The following APTX variants were observed in gnomAD, a reference collection of about 807,000 sequenced individuals.
APTX encodes forkhead-associated domain histidine triad-like protein.
A neutral mutation model predicts 42.3 loss-of-function variants in APTX; 33 were observed. The ratio of observed to expected loss-of-function variants is 0.78; its 90% CI spans 0.59 to 1.04. The LOEUF (loss-of-function observed/expected upper bound fraction) is 1.04. APTX is among the 50% of genes least tolerant of loss of function. The pLI, the probability that APTX is intolerant of heterozygous loss-of-function variation, is 0.00. For missense variants in APTX, 421 were observed against 415.1 expected, an observed-to-expected ratio of 1.01 and a Z score of -0.12; for synonymous variants, 130 against 146.7, an observed-to-expected ratio of 0.89 and a Z score of 0.82.
exon 1 of APTX, chr9:33,025,089 C>G (rs957322768): frequency 6.6e-6 from 1 of 152,434 alleles, no homozygotes; most frequent in African/African-American, 2.4e-5. Flanking sequence ...ATTCCACGAG[C>G]GCCGGGAAGC....
intron 1 of APTX, among the ~76,000 whole-genome samples, chr9:33,016,890 A>G (rs2119277046): frequency 6.6e-6 from 1 of 152,362 alleles, no homozygotes; most frequent in East Asian, 1.9e-4. Context: ...CTATATGCCC[A>G]GTACCTGGCA....
intron 6 of APTX, among the ~76,000 whole-genome samples, 185 bp from the exon 7 acceptor site, chr9:32,974,746 T>TGC (rs1723532754): frequency 6.6e-6 from 1 of 152,218 alleles, no homozygotes; most frequent in Non-Finnish European, 1.5e-5. Context: ...GAATATTTAA[T>TGC]GCTCAATAAG....
At chr9:32,993,615 T>C (rs1323191509) in intron 1 of APTX, among the ~76,000 whole-genome samples, 2 of 152,182 alleles carry the variant, frequency 1.3e-5, no homozygotes, top group Admixed American at 6.5e-5. Flanking sequence ...CTTCCTTCTA[T>C]GGCTCTTCTT....
chr9:32,997,649 A>C (rs1168974314), intron 1 of APTX, among the ~76,000 whole-genome samples: 16 of 152,220 alleles, frequency 1.1e-4, no homozygotes, highest in Non-Finnish European at 4.4e-5. Context: ...ACAAAGAAGA[A>C]ATAGCACAGT....
At chr9:32,986,195 T>C (rs1455228005) in intron 4 of APTX, 165 bp from the exon 5 acceptor site, 1 of 770,566 alleles carries the variant, frequency 1.3e-6, no homozygotes. Flanking sequence ...TTGACTCTGC[T>C]TCACTCCATT....
intron 1 of APTX, among the ~76,000 whole-genome samples, chr9:33,007,413 T>C (rs10124051): frequency 0.12 from 18,828 of 152,218 alleles, 1,308 homozygotes; most frequent in East Asian, 0.28. Flanking sequence ...AATGGACTAG[T>C]GGGGAAGGCA....
In APTX at chr9:32,974,519, A is replaced by C; in HGVS notation, c.813T>G (p.Pro271=). Residue 271 remains proline, a synonymous_variant, in exon 7 of 8, where the codon CCT becomes CCG. Coordinates refer to ENST00000379817, the MANE Select transcript of APTX (RefSeq NM_001195248.2). ...LHVISQDFDS[P]CLKNKKHWNS... ...TCCAATGTTTTTTGTTTTTAAGGCA[A>C]GGAGAATCAAAATCCTGGCTGATCA... 1 of 1,612,518 alleles carries C rather than the reference A, an allele frequency of 6.2e-7. No individual in the cohort carries two copies.
chr9:32,975,803 A>C (rs1829243084), intron 6 of APTX, among the ~76,000 whole-genome samples: 1 of 152,146 alleles, frequency 6.6e-6, no homozygotes, highest in African/African-American at 2.4e-5. Flanking sequence ...TAGTGGGTCA[A>C]CTCTTCATGT....
In APTX at chr9:32,989,909, CA is replaced by C; in HGVS notation, c.-4-15del. ...CGCATCATCACTCTAAGGGACAAAACAAAAGAATCACTAGAAAAACAGATCC... is the reference window on the plus strand; with the variant it reads ...CGCATCATCACTCTAAGGGACAAAACAAAGAATCACTAGAAAAACAGATCC... On this transcript the variant is annotated splice_polypyrimidine_tract_variant and intron_variant, in intron 1 of 7. Coordinates refer to ENST00000379817, the MANE Select transcript of APTX (RefSeq NM_001195248.2). 1 of 1,612,130 alleles carries C rather than the reference CA, an allele frequency of 6.2e-7. No homozygotes were observed. Among genetic ancestry groups the C allele is most frequent in the Non-Finnish European group, 8.5e-7 (1 of 1,179,056 alleles).
chr9:33,014,744 C>T (rs1334668197), intron 1 of APTX, among the ~76,000 whole-genome samples: 1 of 152,246 alleles, frequency 6.6e-6, no homozygotes, highest in Non-Finnish European at 1.5e-5. Context: ...AGTCCTCCAC[C>T]CTAGAAGTAT....
chr9:33,022,243 T>A (rs1360798422), intron 1 of APTX, among the ~76,000 whole-genome samples: 1 of 152,170 alleles, frequency 6.6e-6, no homozygotes, highest in East Asian at 1.9e-4. Flanking sequence ...ATTATTAAAA[T>A]AGTGGAATTA....
intron 4 of APTX, among the ~76,000 whole-genome samples, chr9:32,987,308 T>C (rs1055248796): frequency 2.6e-5 from 4 of 152,222 alleles, no homozygotes; most frequent in Non-Finnish European, 5.9e-5. Context: ...AGTTGTTCAA[T>C]GTTAAGTACA....
rs59637633 is a variant in APTX, at chr9:33,009,655, C to T, written c.-5+15368G>A. Among the ~76,000 whole-genome samples the T allele has an allele frequency of 7.4e-3, 1,121 of 151,992 alleles. 22 individuals are homozygous for T. The highest frequency in any genetic ancestry group is 0.025 in the African/African-American group (1,050 of 41,434). On this transcript the variant is annotated intron_variant, in intron 1 of 6. Transcript: ENST00000436040. ...TTAGCCGGGCACGGTGGTATGTGCCCGTGATCCCAGCTACTTGAGAGACTG... is the reference window on the plus strand; with the variant it reads ...TTAGCCGGGCACGGTGGTATGTGCCTGTGATCCCAGCTACTTGAGAGACTG...
chr9:32,976,628 C>T (rs1444886841), intron 6 of APTX, among the ~76,000 whole-genome samples: 2 of 152,176 alleles, frequency 1.3e-5, no homozygotes, highest in Non-Finnish European at 2.9e-5. Context: ...ATTATACTAA[C>T]ATTTTCTTTC....
chr9:32,974,086 C>T (rs1828739219), intron 7 of APTX, among the ~76,000 whole-genome samples: 2 of 152,068 alleles, frequency 1.3e-5, no homozygotes, highest in Non-Finnish European at 1.5e-5. Context: ...GCTAATTCAC[C>T]ACTCCTGACA....
At chr9:32,985,263 TG>T (rs1299161688) in intron 5 of APTX, among the ~76,000 whole-genome samples, 1 of 151,664 alleles carries the variant, frequency 6.6e-6, no homozygotes, top group African/African-American at 2.4e-5. Context: ...CTATTAGACC[TG>T]CCCCTTGTCA....
chr9:32,987,826 G>C lies in APTX; in HGVS notation c.201C>G (p.Ser67Arg), dbSNP rs1161783847. The C allele has an allele frequency of 2.5e-6, 4 of 1,613,592 alleles. No individual in the cohort carries two copies. The highest frequency in any genetic ancestry group is 8.5e-7 in the Non-Finnish European group (1 of 1,180,004). Residue 67 changes from serine (S) to arginine (R), a missense_variant, in exon 4 of 8, where the codon AGC becomes AGG. Coordinates refer to ENST00000379817, the MANE Select transcript of APTX (RefSeq NM_001195248.2). ...CCTTCCCAATTACGACTGAGTCAAT[G>C]CTGGTGGGATTGACTCCTACCTATG... Reference protein sequence around the residue: ...KVKQVGVNPTSIDSVVIGKDQ... With the variant: ...KVKQVGVNPTRIDSVVIGKDQ...
At position 32,989,913 on chromosome 9, in the gene APTX, A is replaced by G; in HGVS notation, c.-4-18T>C. 1.9e-6 allele frequency: 3 copies of G among 1,610,882 alleles called. No individual in the cohort carries two copies. The highest frequency in any genetic ancestry group is 1.1e-5 in the South Asian group (1 of 90,832). ...TCATCACTCTAAGGGACAAAACAAA[A>G]GAATCACTAGAAAAACAGATCCACT... On this transcript the variant is annotated intron_variant, in intron 1 of 7. Transcript: ENST00000379817.
chr9:32,993,602 TC>T (rs1834146891), intron 1 of APTX, among the ~76,000 whole-genome samples: 1 of 152,180 alleles, frequency 6.6e-6, no homozygotes, highest in East Asian at 1.9e-4. Context: ...GCCTTCTCTC[TC>T]CCTTCCTTCT....
Sources: gnomAD v4.1 joint callset for allele counts (sites outside exome capture counted in the v4.1 genomes callset) on GRCh38, gnomAD v4.1.1 for gene constraint, MANE v1.5 for transcripts, NCBI Gene and HGNC (gene_info 2026-07-23, HGNC 2026-07-21) for gene names.